Variants in MAF observed in about 807,000 individuals in gnomAD.
MAF encodes MAF bZIP transcription factor.
Under a neutral mutation model 22.0 loss-of-function variants are expected in MAF, and 10 were observed. That is an observed-to-expected ratio of 0.45 (90% CI 0.28 to 0.77). The LOEUF (loss-of-function observed/expected upper bound fraction) is 0.77. Ranked by LOEUF, MAF falls within the 30% of genes least tolerant of loss-of-function variation. The probability of loss-of-function intolerance (pLI) is 0.12; values close to 1 mark genes in which losing one functional copy is unlikely to be tolerated. For synonymous variants in MAF, 337 were observed against 255.8 expected (o/e 1.32, Z -3.03); for missense variants, 544 against 548.4 (o/e 0.99, Z 0.08).
chr16:79,251,300 C>T, the MAF span, among the ~76,000 whole-genome samples: 43 of 143,314 alleles, frequency 3.0e-4, no homozygotes, highest in African/African-American at 1.1e-3. Flanking sequence ...GTTATTATTT[C>T]TTTTTAAGTC....
In MAF at chr16:79,600,455, C is replaced by G. The variant is rs952977522; in HGVS notation, c.-553G>C. The G allele has an allele frequency of 1.6e-4, 32 of 196,468 alleles. No individual in the cohort carries two copies. In the Admixed American group the frequency reaches 2.0e-3, roughly 12 times the overall value. The allele number at this position is 196,468 out of a possible 1,614,324, so 12.2% of individuals were successfully genotyped here. A position where few individuals can be genotyped will look rare whatever the true frequency, so the allele number is the denominator to read the frequency against. ...GGGAGTTAACACTTCATGCTTCTCG[C>G]CTCCTCTTCTGCTTGGCTCTCTTTA... On this transcript the variant is annotated 5_prime_UTR_variant, in exon 1 of 2. Transcript: ENST00000326043.
At chr16:79,324,435 C>T in the MAF span, among the ~76,000 whole-genome samples, 143 of 152,206 alleles carry the variant, frequency 9.4e-4, no homozygotes, top group Non-Finnish European at 7.4e-5. Context: ...TCTGCAGGGC[C>T]GACTTTGGGA....
the MAF span, among the ~76,000 whole-genome samples, chr16:79,550,360 C>G: frequency 1.1e-4 from 17 of 152,128 alleles, no homozygotes; most frequent in African/African-American, 4.1e-4. Context: ...GACAGACAGA[C>G]AGACACACCC....
the MAF span, among the ~76,000 whole-genome samples, chr16:79,403,940 T>G: frequency 6.6e-6 from 1 of 152,020 alleles, no homozygotes; most frequent in Non-Finnish European, 1.5e-5. Context: ...CCTGGAAAAG[T>G]TGAGAGTTTG....
the MAF span, among the ~76,000 whole-genome samples, chr16:79,241,926 T>C: frequency 6.6e-6 from 1 of 151,982 alleles, no homozygotes; most frequent in Non-Finnish European, 1.5e-5. Flanking sequence ...ACCCAGAATT[T>C]CATATCCAGC....
the MAF span, among the ~76,000 whole-genome samples, chr16:79,306,068 A>G: frequency 2.0e-5 from 3 of 152,212 alleles, no homozygotes; most frequent in African/African-American, 7.2e-5. Context: ...TCATGTGACC[A>G]CTAGCTTCCA....
the MAF span, among the ~76,000 whole-genome samples, chr16:79,242,560 C>T: frequency 6.6e-6 from 1 of 151,874 alleles, no homozygotes; most frequent in Admixed American, 6.6e-5. Flanking sequence ...AAAGCAAGTT[C>T]TTAGAGACCT....
the MAF span, among the ~76,000 whole-genome samples, chr16:79,277,970 T>C: frequency 6.6e-6 from 1 of 152,176 alleles, no homozygotes; most frequent in African/African-American, 2.4e-5. Context: ...TCCTAGGATC[T>C]GCCCAGCGCT....
the MAF span, chr16:79,205,991 T>G: frequency 6.6e-6 from 1 of 152,344 alleles, no homozygotes; most frequent in East Asian, 1.9e-4. Flanking sequence ...ATCTGGCACC[T>G]GGAGATGGCA....
chr16:79,402,277 C>T, the MAF span, among the ~76,000 whole-genome samples: 143 of 152,244 alleles, frequency 9.4e-4, no homozygotes, highest in African/African-American at 3.3e-3. Context: ...AGGACAGAAA[C>T]AATGGGTAAA....
At chr16:79,393,034 T>C in the MAF span, among the ~76,000 whole-genome samples, 1 of 152,252 alleles carries the variant, frequency 6.6e-6, no homozygotes, top group Non-Finnish European at 1.5e-5. Context: ...TTTTTCTCCT[T>C]TCCAGGACCA....
At chr16:79,375,529 T>A in the MAF span, among the ~76,000 whole-genome samples, 2 of 152,094 alleles carry the variant, frequency 1.3e-5, no homozygotes, top group Non-Finnish European at 2.9e-5. Flanking sequence ...TTAATGATGA[T>A]GGTAATGATG....
chr16:79,518,195 T>G, the MAF span, among the ~76,000 whole-genome samples: 1 of 152,198 alleles, frequency 6.6e-6, no homozygotes, highest in African/African-American at 2.4e-5. Context: ...TTGCCCAATG[T>G]CACATTGCTA....
the MAF span, among the ~76,000 whole-genome samples, chr16:79,439,053 C>T: frequency 6.6e-6 from 1 of 152,056 alleles, no homozygotes; most frequent in Non-Finnish European, 1.5e-5. Context: ...TGTCGTGTCC[C>T]CTAGCTCCAA....
At chr16:79,288,977 G>A in the MAF span, among the ~76,000 whole-genome samples, 15 of 152,286 alleles carry the variant, frequency 9.8e-5, no homozygotes, top group African/African-American at 2.4e-4. Flanking sequence ...TGATCCACCC[G>A]CCTCGGCCTC....
the MAF span, among the ~76,000 whole-genome samples, chr16:79,313,976 C>G: frequency 6.6e-6 from 1 of 152,154 alleles, no homozygotes; most frequent in Non-Finnish European, 1.5e-5. Flanking sequence ...GAATAAAGGC[C>G]AGGGAAAACT....
At chr16:79,493,327 G>A in the MAF span, among the ~76,000 whole-genome samples, 4 of 152,068 alleles carry the variant, frequency 2.6e-5, no homozygotes, top group Middle Eastern at 3.2e-3. Flanking sequence ...GATTACAGGT[G>A]CCTGCCACCA....
chr16:79,239,729 T>C, the MAF span, among the ~76,000 whole-genome samples: 12 of 152,184 alleles, frequency 7.9e-5, no homozygotes, highest in East Asian at 2.3e-3. Context: ...TTCTCTGTTT[T>C]GTTTATTGCT....
At chr16:79,394,981 G>A in the MAF span, among the ~76,000 whole-genome samples, 3 of 152,200 alleles carry the variant, frequency 2.0e-5, no homozygotes, top group Non-Finnish European at 4.4e-5. Flanking sequence ...ATAGCACAGA[G>A]CTTAATACAT....
Sources: gnomAD v4.1 joint callset for allele counts (sites outside exome capture counted in the v4.1 genomes callset) on GRCh38, gnomAD v4.1.1 for gene constraint, MANE v1.5 for transcripts, NCBI Gene and HGNC (gene_info 2026-07-23, HGNC 2026-07-21) for gene names.